Variants in COL11A1 observed in about 807,000 individuals in gnomAD.
COL11A1 encodes the protein collagen type XI alpha 1 chain.
COL11A1 carries 74 observed loss-of-function variants against 265.2 expected under a neutral mutation model. The ratio of observed to expected loss-of-function variants is 0.28; its 90% confidence interval spans 0.23 to 0.34. The LOEUF is 0.34. Among genes scored for constraint, COL11A1 ranks in the 10% least tolerant of loss-of-function variants. The probability of loss-of-function intolerance (pLI) is 1.00; values close to 1 mark genes in which losing one functional copy is unlikely to be tolerated. For missense variants in COL11A1, 2,165 were observed against 2,263.6 expected, an observed-to-expected ratio of 0.96 and a Z score of 0.88; for synonymous variants, 816 against 727.6, an observed-to-expected ratio of 1.12 and a Z score of -1.96.
intron 62 of COL11A1, 102 bp from the exon 63 acceptor site, chr1:102,887,158 G>A: frequency 6.7e-7 from 1 of 1,481,828 alleles, no homozygotes; most frequent in East Asian, 2.3e-5. Flanking sequence ...ATTAGAGTTG[G>A]TTTAGCTTTT....
intron 31 of COL11A1, among the ~76,000 whole-genome samples, chr1:102,982,173 A>G (rs1323196869): frequency 2.6e-5 from 4 of 152,070 alleles, no homozygotes; most frequent in East Asian, 3.9e-4. Flanking sequence ...AAAATTCCAG[A>G]CATTTCAGTA....
At chr1:103,015,608 A>G in intron 12 of COL11A1, 60 bp downstream of exon 12, 1 of 1,289,926 alleles carries the variant, frequency 7.8e-7, no homozygotes, top group Non-Finnish European at 1.1e-6. Flanking sequence ...TTCAACAATA[A>G]ACTTCAGAAA....
chr1:102,924,699 A>C (rs955363400), intron 46 of COL11A1, among the ~76,000 whole-genome samples: 1 of 152,192 alleles, frequency 6.6e-6, no homozygotes, highest in Non-Finnish European at 1.5e-5. Context: ...TGATACTGAA[A>C]ATCCTGTCAT....
At chr1:102,913,516 C>T (rs1654945667) in intron 53 of COL11A1, 121 bp downstream of exon 53, 4 of 908,926 alleles carry the variant, frequency 4.4e-6, no homozygotes, top group Admixed American at 4.6e-5. Context: ...TTTGATAATT[C>T]TTTCAAAAAA....
chr1:103,080,823 G>A (rs34347324), intron 2 of COL11A1, among the ~76,000 whole-genome samples: 5,154 of 151,858 alleles, frequency 0.034, 113 homozygotes, highest in Middle Eastern at 0.092. Flanking sequence ...CAAAGGAAAT[G>A]CAATCAGTAT....
chr1:103,073,350 A>G (rs1671726051), intron 4 of COL11A1, among the ~76,000 whole-genome samples: 2 of 151,872 alleles, frequency 1.3e-5, no homozygotes, highest in South Asian at 4.1e-4. Flanking sequence ...ATTCACATGC[A>G]ACTTATGTTT....
intron 1 of COL11A1, chr1:103,100,843 T>G (rs973483469): frequency 1.3e-5 from 2 of 151,910 alleles, no homozygotes; most frequent in Non-Finnish European, 2.9e-5. Flanking sequence ...ATCTTTCACT[T>G]CTCTGTTTTT....
At chr1:102,951,521 C>A (rs1393630454) in intron 41 of COL11A1, among the ~76,000 whole-genome samples, 1 of 152,022 alleles carries the variant, frequency 6.6e-6, no homozygotes, top group African/African-American at 2.4e-5. Flanking sequence ...CACGGTGAAA[C>A]CCTGTCTCTA....
chr1:102,956,491 T>C (rs1414965630), intron 41 of COL11A1, among the ~76,000 whole-genome samples: 2 of 152,062 alleles, frequency 1.3e-5, no homozygotes, highest in African/African-American at 4.8e-5. Flanking sequence ...ATAGTATGCA[T>C]AAAATATTAG....
chr1:102,973,384 T>C (rs1662157427), intron 36 of COL11A1, among the ~76,000 whole-genome samples: 1 of 152,058 alleles, frequency 6.6e-6, no homozygotes. Flanking sequence ...TGAAAAAGTC[T>C]GATAAAAAAA....
At chr1:103,030,656 A>T (rs1380078079) in intron 5 of COL11A1, among the ~76,000 whole-genome samples, 6 of 137,488 alleles carry the variant, frequency 4.4e-5, no homozygotes, top group African/African-American at 1.9e-4. Flanking sequence ...AATTTTTTTT[A>T]AAAACCCTCT....
At chr1:103,047,897 G>T (rs1024071913) in intron 4 of COL11A1, among the ~76,000 whole-genome samples, 1 of 152,126 alleles carries the variant, frequency 6.6e-6, no homozygotes, top group Non-Finnish European at 1.5e-5. Flanking sequence ...TTATATGCTG[G>T]ATTACCTTTA....
chr1:102,917,080 A>T (rs1383943871), intron 49 of COL11A1, among the ~76,000 whole-genome samples: 1 of 151,842 alleles, frequency 6.6e-6, no homozygotes, highest in African/African-American at 2.4e-5. Context: ...CAGGAAACCA[A>T]AAAAAGAGTC....
Position 103,078,652 on chromosome 1 carries a change from A to G in COL11A1, c.488+6T>C, listed in dbSNP as rs1672164817. 1.2e-6 allele frequency: 2 copies of G among 1,611,286 alleles called. No individual in the cohort carries two copies. The highest frequency in any genetic ancestry group is 1.7e-6 in the Non-Finnish European group (2 of 1,177,806). ...AGCTAAAACATTGTATTATTTTGTT[A>G]CTTACTTCCCGTCAGCGATGTTAAC... On this transcript the variant is annotated splice_donor_region_variant and intron_variant, in intron 3 of 66. Coordinates refer to ENST00000370096, the MANE Select transcript of COL11A1 (RefSeq NM_001854.4).
chr1:103,095,506 C>T (rs567987027), intron 1 of COL11A1, among the ~76,000 whole-genome samples: 15 of 151,962 alleles, frequency 9.9e-5, no homozygotes, highest in Non-Finnish European at 1.8e-4. Context: ...CTCTATCCTG[C>T]TATTCTTGCA....
chr1:102,941,390 A>G (rs1357194887), intron 42 of COL11A1, among the ~76,000 whole-genome samples: 2 of 152,160 alleles, frequency 1.3e-5, no homozygotes, highest in Non-Finnish European at 2.9e-5. Flanking sequence ...AAAGCCAATC[A>G]GATCATGTTA....
chr1:103,020,751 T>C (rs1260545561), intron 9 of COL11A1, among the ~76,000 whole-genome samples: 3 of 122,530 alleles, frequency 2.4e-5, no homozygotes, highest in Admixed American at 8.3e-5. Context: ...TAATCCATCT[T>C]GAATTGATTT....
chr1:103,077,424 T>TAA (rs1672059197), intron 3 of COL11A1, among the ~76,000 whole-genome samples: 1 of 152,038 alleles, frequency 6.6e-6, no homozygotes, highest in Admixed American at 6.6e-5. Context: ...AAATATAGAT[T>TAA]AAAACCTTAG....
intron 4 of COL11A1, among the ~76,000 whole-genome samples, chr1:103,044,798 T>C (rs1669114679): frequency 6.6e-6 from 1 of 152,090 alleles, no homozygotes. Flanking sequence ...AGCTCCTGCA[T>C]TCTAGGAGTT....
Sources: allele counts gnomAD v4.1 joint callset (sites outside exome capture counted in the v4.1 genomes callset), GRCh38; gene constraint gnomAD v4.1.1; transcripts MANE v1.5; gene names NCBI Gene and HGNC (gene_info 2026-07-23, HGNC 2026-07-21).